THADA: variants seen among roughly 807,000 people sequenced by gnomAD.
The protein encoded by THADA is tRNA (32-2'-O)-methyltransferase regulator THADA.
A neutral mutation model predicts 219.8 loss-of-function variants in THADA; 213 were observed. That is an observed-to-expected ratio of 0.97 (90% CI 0.87 to 1.09). THADA has a LOEUF of 1.09. Among genes scored for constraint, THADA ranks in the 50% least tolerant of loss-of-function variants. The probability of loss-of-function intolerance (pLI) is 0.00; values close to 1 mark genes in which losing one functional copy is unlikely to be tolerated. For missense variants in THADA, 2,956 were observed against 2,311.3 expected (o/e 1.28, Z -5.72); for synonymous variants, 1,018 against 828.9 (o/e 1.23, Z -3.92).
chr2:43,356,870 A>T (rs1232785069), intron 29 of THADA, among the ~76,000 whole-genome samples: 2 of 152,068 alleles, frequency 1.3e-5, no homozygotes, highest in Non-Finnish European at 2.9e-5. Context: ...CCAGCTTTGG[A>T]CTCCACCACT....
chr2:43,336,497 C>T (rs529420060), intron 30 of THADA, among the ~76,000 whole-genome samples: 1 of 152,176 alleles, frequency 6.6e-6, no homozygotes, highest in African/African-American at 2.4e-5. Flanking sequence ...GTCTTGAACT[C>T]CTGACCTCCG....
At chr2:43,294,565 C>T (rs1238322261) in intron 31 of THADA, among the ~76,000 whole-genome samples, 1 of 152,130 alleles carries the variant, frequency 6.6e-6, no homozygotes, top group Non-Finnish European at 1.5e-5. Context: ...TACAGAAAGC[C>T]TCCTAGACAA....
intron 36 of THADA, among the ~76,000 whole-genome samples, chr2:43,269,340 A>G (rs1246728258): frequency 1.3e-5 from 2 of 152,218 alleles, no homozygotes; most frequent in Non-Finnish European, 2.9e-5. Flanking sequence ...CCTCGAAAGG[A>G]GCCTGTTGTT....
At chr2:43,344,995 G>T (rs963794283) in intron 29 of THADA, among the ~76,000 whole-genome samples, 17 of 152,370 alleles carry the variant, frequency 1.1e-4, no homozygotes, top group Non-Finnish European at 2.2e-4. Flanking sequence ...TAGTGCCAAG[G>T]AGAGAAATGC....
At chr2:43,438,411 T>G (rs1680420331) in intron 26 of THADA, among the ~76,000 whole-genome samples, 1 of 152,120 alleles carries the variant, frequency 6.6e-6, no homozygotes, top group Non-Finnish European at 1.5e-5. Flanking sequence ...CAGAATACTG[T>G]TCATGGAAAT....
At chr2:43,375,850 T>C (rs963447213) in intron 29 of THADA, among the ~76,000 whole-genome samples, 2 of 152,196 alleles carry the variant, frequency 1.3e-5, no homozygotes, top group African/African-American at 4.8e-5. Flanking sequence ...GCCCAGGGCC[T>C]GCACTATGAA....
At chr2:43,548,102 A>C (rs548382740) in intron 20 of THADA, among the ~76,000 whole-genome samples, 506 of 152,294 alleles carry the variant, frequency 3.3e-3, no homozygotes, top group Middle Eastern at 6.8e-3. Context: ...CCTCAGCTGC[A>C]GGTCTGTTGG....
intron 7 of THADA, among the ~76,000 whole-genome samples, chr2:43,585,346 CAAAAAAAA>C (rs34682195): frequency 6.3e-5 from 6 of 95,330 alleles, no homozygotes; most frequent in Admixed American, 1.3e-4. Flanking sequence ...CTCATTCCTA[CAAAAAAAA>C]AAAAAAAAAA....
Position 43,444,173 on chromosome 2 carries a change from T to C in THADA, c.3837-13871A>G, listed in dbSNP as rs142713693. ...AAATTTAGCCACCAGTTTTATGTTTTGATGTAGGTCCATCTACACCTCCCT... is the reference window on the plus strand; with the variant it reads ...AAATTTAGCCACCAGTTTTATGTTTCGATGTAGGTCCATCTACACCTCCCT... On this transcript the variant is annotated intron_variant, in intron 26 of 37. Coordinates refer to ENST00000405975, the MANE Select transcript of THADA (RefSeq NM_022065.5). 9.2e-5 allele frequency among the ~76,000 whole-genome samples: 14 copies of C among 152,224 alleles called. No individual in the cohort carries two copies. In the East Asian group the frequency reaches 2.5e-3, roughly 27 times the overall value.
At chr2:43,519,147 T>C (rs1692104812) in intron 22 of THADA, among the ~76,000 whole-genome samples, 1 of 152,098 alleles carries the variant, frequency 6.6e-6, no homozygotes, top group Admixed American at 6.6e-5. Context: ...GTAAATTATG[T>C]GACTTACTTA....
At chr2:43,417,967 G>A (rs1179671109) in intron 28 of THADA, among the ~76,000 whole-genome samples, 1 of 152,158 alleles carries the variant, frequency 6.6e-6, no homozygotes, top group Admixed American at 6.5e-5. Context: ...CTGGCTTATA[G>A]TAAACATTTG....
rs528375411 is a variant in THADA, at chr2:43,241,212, C to T, written c.5297-8330G>A. On this transcript the variant is annotated intron_variant, in intron 36 of 37. Transcript: ENST00000405975. ...CAAGTGGTCCTCCCACCTCAGCCTCCCTGGTGGCTGAGACTACAGGCACAA... is the reference window on the plus strand; with the variant it reads ...CAAGTGGTCCTCCCACCTCAGCCTCTCTGGTGGCTGAGACTACAGGCACAA... Among the ~76,000 whole-genome samples, 16 of 152,168 alleles carry T rather than the reference C, an allele frequency of 1.1e-4. 1 individual carries two copies. In the South Asian group the frequency reaches 3.3e-3, roughly 32 times the overall value.
chr2:43,276,573 G>T (rs1269020073), intron 36 of THADA, among the ~76,000 whole-genome samples: 1 of 152,168 alleles, frequency 6.6e-6, no homozygotes, highest in East Asian at 1.9e-4. Flanking sequence ...TCCAGAAAGT[G>T]CCCGTGGGGA....
At chr2:43,410,662 C>A (rs1050045068) in intron 28 of THADA, among the ~76,000 whole-genome samples, 2 of 150,478 alleles carry the variant, frequency 1.3e-5, no homozygotes, top group Non-Finnish European at 2.9e-5. Flanking sequence ...AGTCCGTTTA[C>A]TTAAAATTCT....
chr2:43,448,859 T>C (rs1280232831), intron 26 of THADA, among the ~76,000 whole-genome samples: 1 of 151,970 alleles, frequency 6.6e-6, no homozygotes, highest in African/African-American at 2.4e-5. Context: ...CCAGAGTTAC[T>C]ACACTATTAG....
intron 25 of THADA, among the ~76,000 whole-genome samples, chr2:43,489,692 C>T (rs890538119): frequency 2.0e-5 from 3 of 152,004 alleles, no homozygotes; most frequent in African/African-American, 7.3e-5. Flanking sequence ...TATTTCTGTA[C>T]AATCAATCCT....
intron 29 of THADA, among the ~76,000 whole-genome samples, chr2:43,386,950 C>A (rs150826967): frequency 6.6e-6 from 1 of 151,570 alleles, no homozygotes; most frequent in Non-Finnish European, 1.5e-5. Context: ...TGTTCAGTAC[C>A]CGTTAGATTT....
chr2:43,529,156 T>A (rs10173328), intron 21 of THADA, among the ~76,000 whole-genome samples: 5,505 of 144,420 alleles, frequency 0.038, 163 homozygotes, highest in African/African-American at 0.092. Flanking sequence ...TGACTTTTTT[T>A]AAAAAAAAAA....
At chr2:43,458,274 G>A (rs1683246031) in intron 26 of THADA, among the ~76,000 whole-genome samples, 1 of 152,176 alleles carries the variant, frequency 6.6e-6, no homozygotes, top group African/African-American at 2.4e-5. Context: ...CTCACAGGGA[G>A]CCCAGGATTC....
Sources: allele counts gnomAD v4.1 joint callset (sites outside exome capture counted in the v4.1 genomes callset), GRCh38; gene constraint gnomAD v4.1.1; transcripts MANE v1.5; gene names NCBI Gene and HGNC (gene_info 2026-07-23, HGNC 2026-07-21).